The following MTUS2 variants were observed in gnomAD, a reference collection of about 807,000 sequenced individuals.
MTUS2 encodes the protein microtubule-associated tumor suppressor candidate 2.
MTUS2 carries 40 observed loss-of-function variants against 114.1 expected under a neutral mutation model. The ratio of observed to expected loss-of-function variants is 0.35; its 90% CI spans 0.27 to 0.46. The LOEUF is 0.46. Among genes scored for constraint, MTUS2 ranks in the 20% least tolerant of loss-of-function variants. The pLI is 1.00. For synonymous variants in MTUS2, 688 were observed against 672.0 expected (o/e 1.02, Z -0.37); for missense variants, 1,679 against 1,705.4 (o/e 0.98, Z 0.27).
At chr13:29,266,211 T>G (rs1269551629) in intron 5 of MTUS2, among the ~76,000 whole-genome samples, 1 of 152,226 alleles carries the variant, frequency 6.6e-6, no homozygotes, top group East Asian at 1.9e-4. Context: ...TTTACTCTAA[T>G]GACTCCTTTC....
At chr13:29,342,864 A>C (rs1901467978) in intron 7 of MTUS2, among the ~76,000 whole-genome samples, 1 of 152,156 alleles carries the variant, frequency 6.6e-6, no homozygotes, top group African/African-American at 2.4e-5. Context: ...GGTTTTAATC[A>C]TAAAGGGATG....
intron 5 of MTUS2, among the ~76,000 whole-genome samples, chr13:29,277,392 A>C (rs1277475034): frequency 6.6e-6 from 1 of 152,150 alleles, no homozygotes; most frequent in African/African-American, 2.4e-5. Flanking sequence ...GGAACTTAAC[A>C]AGCTGATTCT....
intron 4 of MTUS2, among the ~76,000 whole-genome samples, chr13:29,088,868 A>C (rs1437651088): frequency 6.6e-6 from 1 of 152,016 alleles, no homozygotes; most frequent in African/African-American, 2.4e-5. Flanking sequence ...TGTGAGATGG[A>C]TCTCTTGAAG....
chr13:29,169,510 TC>T (rs1893463847), intron 5 of MTUS2, among the ~76,000 whole-genome samples: 1 of 152,204 alleles, frequency 6.6e-6, no homozygotes, highest in Non-Finnish European at 1.5e-5. Context: ...TACGTGTGTG[TC>T]AGAGACATTA....
chr13:29,287,336 T>G (rs1291283004), intron 6 of MTUS2, among the ~76,000 whole-genome samples: 3 of 152,172 alleles, frequency 2.0e-5, no homozygotes, highest in South Asian at 2.1e-4. Context: ...AGGCTCTCTT[T>G]GAGATTACCC....
At chr13:28,951,892 T>C (rs1882828187) in intron 2 of MTUS2, among the ~76,000 whole-genome samples, 1 of 152,154 alleles carries the variant, frequency 6.6e-6, no homozygotes. Context: ...TGATATCTGT[T>C]AGTAGGTGAT....
intron 6 of MTUS2, among the ~76,000 whole-genome samples, chr13:29,303,384 T>G (rs1899295633): frequency 6.6e-6 from 1 of 152,138 alleles, no homozygotes; most frequent in Non-Finnish European, 1.5e-5. Context: ...TGTAACCCAA[T>G]GCAGAGAAAC....
chr13:28,883,981 A>G (rs975874803), intron 2 of MTUS2, among the ~76,000 whole-genome samples: 9 of 152,122 alleles, frequency 5.9e-5, no homozygotes, highest in African/African-American at 1.4e-4. Context: ...AAATAGTATG[A>G]TGTTTCCTCA....
At chr13:29,348,823 CT>C (rs1328561037) in intron 7 of MTUS2, among the ~76,000 whole-genome samples, 12 of 152,268 alleles carry the variant, frequency 7.9e-5, no homozygotes, top group African/African-American at 2.6e-4. Flanking sequence ...CCTGGTAATA[CT>C]TTTTTCCTTG....
In MTUS2 at chr13:29,330,614, G is replaced by C. The variant is rs765109412; in HGVS notation, c.2905+5903G>C. Among the ~76,000 whole-genome samples, 42 of 152,138 alleles carry C rather than the reference G, an allele frequency of 2.8e-4. 1 individual carries two copies. The highest frequency in any genetic ancestry group is 4.4e-5 in the Non-Finnish European group (3 of 68,028). On this transcript the variant is annotated intron_variant, in intron 7 of 15. Transcript: ENST00000612955. ...CCATCTTGAGTTAATATTTTTGTAAGATGTAAGGAAGGGGTCCAGTTTTCA... is the reference window on the plus strand; with the variant it reads ...CCATCTTGAGTTAATATTTTTGTAACATGTAAGGAAGGGGTCCAGTTTTCA...
intron 8 of MTUS2, 103 bp downstream of exon 8, chr13:29,359,576 G>A: frequency 4.0e-6 from 5 of 1,257,116 alleles, no homozygotes; most frequent in Non-Finnish European, 4.4e-6. Flanking sequence ...TTTGAGTTTT[G>A]ATCAGAGTGG....
intron 2 of MTUS2, among the ~76,000 whole-genome samples, chr13:28,934,475 C>T (rs1052310467): frequency 6.6e-5 from 10 of 152,058 alleles, no homozygotes; most frequent in Non-Finnish European, 1.0e-4. Context: ...TTTTTTACCT[C>T]GGAGAAGTTC....
intron 11 of MTUS2, among the ~76,000 whole-genome samples, chr13:29,491,616 TGTGTGTATGTGATTAGTAG>T (rs1882095219): frequency 6.9e-6 from 1 of 144,876 alleles, no homozygotes; most frequent in Non-Finnish European, 1.5e-5. Flanking sequence ...TGGCATATAG[TGTGTGTATGTGATTAGTAG>T]GTGTGTATGT....
chr13:29,161,319 G>A (rs983878428), intron 5 of MTUS2, among the ~76,000 whole-genome samples: 21 of 151,938 alleles, frequency 1.4e-4, no homozygotes, highest in African/African-American at 9.7e-5. Flanking sequence ...AGATTGCGCC[G>A]TATTAATTTC....
At chr13:29,202,694 T>G (rs1196089116) in intron 5 of MTUS2, among the ~76,000 whole-genome samples, 3 of 152,210 alleles carry the variant, frequency 2.0e-5, no homozygotes, top group African/African-American at 7.2e-5. Context: ...GGTTTTTGTG[T>G]GGACTTCCTT....
intron 1 of MTUS2, among the ~76,000 whole-genome samples, chr13:28,827,001 A>C (rs1463543289): frequency 2.0e-5 from 3 of 152,236 alleles, no homozygotes; most frequent in African/African-American, 4.8e-5. Context: ...CTCATTGAAA[A>C]TAGCTTCTCA....
At chr13:28,841,725 C>T (rs1418982861) in intron 2 of MTUS2, among the ~76,000 whole-genome samples, 5 of 150,986 alleles carry the variant, frequency 3.3e-5, no homozygotes, top group African/African-American at 7.3e-5. Context: ...CTCACTCTGT[C>T]GCCCAGGTTG....
chr13:29,450,337 A>C (rs1241267280), intron 9 of MTUS2, among the ~76,000 whole-genome samples: 1 of 152,178 alleles, frequency 6.6e-6, no homozygotes, highest in African/African-American at 2.4e-5. Flanking sequence ...ATAGGTCCTC[A>C]ATTGCCTCAA....
chr13:28,829,602 AAGATCCCC>A (rs1296618967), intron 1 of MTUS2, among the ~76,000 whole-genome samples: 1 of 152,180 alleles, frequency 6.6e-6, no homozygotes, highest in Non-Finnish European at 1.5e-5. Flanking sequence ...AGAGCCCTCT[AAGATCCCC>A]AGTCTCAGAA....
Sources: gnomAD v4.1 joint callset for allele counts (sites outside exome capture counted in the v4.1 genomes callset) on GRCh38, gnomAD v4.1.1 for gene constraint, MANE v1.5 for transcripts, NCBI Gene and HGNC (gene_info 2026-07-23, HGNC 2026-07-21) for gene names.